CCDC40: variants seen among roughly 807,000 people sequenced by gnomAD.
CCDC40 encodes coiled-coil domain-containing protein 40.
CCDC40 carries 104 observed loss-of-function variants against 124.5 expected under a neutral mutation model. The ratio of observed to expected loss-of-function variants is 0.84; its 90% CI spans 0.71 to 0.98. CCDC40 has a LOEUF of 0.98. Ranked by LOEUF, CCDC40 falls within the 50% of genes least tolerant of loss-of-function variation. CCDC40 has a pLI of 0.00. For synonymous variants in CCDC40, 580 were observed against 602.9 expected (o/e 0.96, Z 0.56); for missense variants, 1,463 against 1,503.9 (o/e 0.97, Z 0.45).
intron 10 of CCDC40, among the ~76,000 whole-genome samples, chr17:80,079,388 C>T (rs1474635932): frequency 2.6e-5 from 4 of 152,086 alleles, no homozygotes; most frequent in African/African-American, 7.2e-5. Flanking sequence ...AAATCACCCG[C>T]GGCCGCTTAG....
intron 10 of CCDC40, among the ~76,000 whole-genome samples, chr17:80,074,055 A>G (rs765224386): frequency 5.3e-5 from 8 of 152,246 alleles, no homozygotes; most frequent in Non-Finnish European, 1.2e-4. Context: ...AAGCTGAGAT[A>G]AGCCAAAAGC....
At chr17:80,070,729 G>C (rs1238234962) in intron 10 of CCDC40, among the ~76,000 whole-genome samples, 3 of 151,616 alleles carry the variant, frequency 2.0e-5, no homozygotes, top group African/African-American at 7.3e-5. Context: ...CCGAGATGGT[G>C]CCACTGCACT....
intron 10 of CCDC40, chr17:80,067,634 C>T (rs1250332195): frequency 2.8e-5 from 43 of 1,536,126 alleles, no homozygotes; most frequent in East Asian, 2.0e-4. Context: ...CGTTCGCGTC[C>T]GTCTGTTATG....
At chr17:80,040,678 C>CA (rs34476860) in intron 3 of CCDC40, 78,092 of 129,682 alleles carry the variant, frequency 0.6, 23,276 homozygotes, top group Middle Eastern at 0.76. Context: ...GACCTTGTCT[C>CA]AAAAAAAAAA....
Position 80,058,581 on chromosome 17 carries a change from G to T in CCDC40, c.1247G>T (p.Arg416Leu). 6.2e-7 allele frequency: 1 copy of T among 1,614,170 alleles called. No individual in the cohort carries two copies. Among genetic ancestry groups the T allele is most frequent in the African/African-American group, 1.3e-5 (1 of 75,038 alleles). ...GACCAGGACATGCGTGACGACATCC[G>T]CGTGATGACACAAGTGGTAAAGAAG... ...NIDQDMRDDIRVMTQVVKKAE... is the reference protein window; with the variant it reads ...NIDQDMRDDILVMTQVVKKAE... The change falls in exon 8 of 20, where the codon CGC (arginine) becomes CTC (leucine). Residue 416 changes from arginine to leucine, a missense_variant. Arg to Leu is a moderately radical substitution (Grantham distance 102). Coordinates refer to ENST00000397545, the MANE Select transcript of CCDC40 (RefSeq NM_017950.4). The surrounding 1 kb of genome is among the most constrained non-coding windows in gnomAD (Gnocchi z 4.2).
intron 10 of CCDC40, among the ~76,000 whole-genome samples, chr17:80,074,146 A>G (rs1231450035): frequency 6.6e-6 from 1 of 152,232 alleles, no homozygotes; most frequent in East Asian, 1.9e-4. Flanking sequence ...TGCTGCTCTA[A>G]TGAACACACA....
In CCDC40 at chr17:80,047,495, T is replaced by TA. The variant is rs1344005882; in HGVS notation, c.676+94dup. The TA allele has an allele frequency of 7.3e-6, 10 of 1,367,886 alleles. No homozygotes were observed. In the East Asian group the frequency reaches 2.5e-4, roughly 34 times the overall value. The allele number at this position is 1,367,886 out of a possible 1,614,324, so 84.7% of individuals were successfully genotyped here. On this transcript the variant is annotated intron_variant, in intron 4 of 19. Coordinates refer to ENST00000397545, the MANE Select transcript of CCDC40 (RefSeq NM_017950.4). ...GGGATGCCACTCGTTTGTCATCCGT[T>TA]ACCTGTTTCCTGAGTGGCTGTGAGC...
At chr17:80,040,936 C>T (rs892558660) in intron 3 of CCDC40, among the ~76,000 whole-genome samples, 1 of 152,176 alleles carries the variant, frequency 6.6e-6, no homozygotes, top group African/African-American at 2.4e-5. Context: ...GAGCTTTTAA[C>T]TGTTTAAGAT....
At position 80,087,480 on chromosome 17, in the gene CCDC40, A is replaced by G; in HGVS notation, c.2450-127A>G. On this transcript the variant is annotated intron_variant, in intron 14 of 19. Coordinates refer to ENST00000397545, the MANE Select transcript of CCDC40 (RefSeq NM_017950.4). The surrounding 1 kb of genome is among the most constrained non-coding windows in gnomAD (Gnocchi z 4.5). ...TCAGGCAGGAGCGCCAGGAACGACAAGAGGGAGGGGATGAAGGGAGCTACA... is the reference window on the plus strand; with the variant it reads ...TCAGGCAGGAGCGCCAGGAACGACAGGAGGGAGGGGATGAAGGGAGCTACA... 1 of 743,944 alleles carries G rather than the reference A, an allele frequency of 1.3e-6. No homozygotes were observed. The highest frequency in any genetic ancestry group is 2.4e-6 in the Non-Finnish European group (1 of 413,468). The allele number at this position is 743,944 out of a possible 1,614,324, so 46.1% of individuals were successfully genotyped here. A position where few individuals can be genotyped will look rare whatever the true frequency, so the allele number is the denominator to read the frequency against.
At chr17:80,051,230 G>A (rs2037580283) in intron 7 of CCDC40, 1 of 639,704 alleles carries the variant, frequency 1.6e-6, no homozygotes. Context: ...GAGGAAAACA[G>A]AAGCACATGG....
Position 80,092,960 on chromosome 17 carries a change from AT to A in CCDC40, c.2833-2295del, listed in dbSNP as rs2038747683. On this transcript the variant is annotated intron_variant, in intron 17 of 19. Coordinates refer to ENST00000397545, the MANE Select transcript of CCDC40 (RefSeq NM_017950.4). ...TGGTGCAAGTTGTGGACTGGGGTTA[AT>A]TTTTTTTGCATTTGGATGTCCACTG... is the stretch of plus-strand genomic sequence containing the variant. 2.0e-5 allele frequency among the ~76,000 whole-genome samples: 3 copies of A among 151,890 alleles called. No individual in the cohort carries two copies. The South Asian group carries it at 6.3e-4, about 32-fold the overall frequency.
At chr17:80,083,417 C>A (rs2038505967) in intron 12 of CCDC40, among the ~76,000 whole-genome samples, 1 of 152,162 alleles carries the variant, frequency 6.6e-6, no homozygotes, top group African/African-American at 2.4e-5. Context: ...GACATGGAGC[C>A]CACAGGCGTG....
chr17:80,056,095 T>C (rs1170508037), intron 7 of CCDC40, among the ~76,000 whole-genome samples: 2 of 145,050 alleles, frequency 1.4e-5, no homozygotes, highest in Non-Finnish European at 3.0e-5. Context: ...CAAGTGATCC[T>C]CTTGCTTCGG....
chr17:80,060,274 G>A (rs1188106022), intron 9 of CCDC40, among the ~76,000 whole-genome samples: 2 of 152,006 alleles, frequency 1.3e-5, no homozygotes, highest in Non-Finnish European at 2.9e-5. Context: ...CAGGCAAGGT[G>A]GTGCACACCT....
At chr17:80,073,022 G>C (rs1334227736) in intron 10 of CCDC40, among the ~76,000 whole-genome samples, 1 of 130,682 alleles carries the variant, frequency 7.7e-6, no homozygotes, top group Non-Finnish European at 1.7e-5. Context: ...GTTTGTTTTT[G>C]AGATGAGTTT....
chr17:80,055,349 CTGGA>C (rs2037710063), intron 7 of CCDC40, among the ~76,000 whole-genome samples: 1 of 152,134 alleles, frequency 6.6e-6, no homozygotes. Flanking sequence ...AATAAAGTAG[CTGGA>C]TACCAGCTCT....
chr17:80,046,227 C>CT (rs1033353672), intron 3 of CCDC40, among the ~76,000 whole-genome samples: 1 of 152,146 alleles, frequency 6.6e-6, no homozygotes, highest in Non-Finnish European at 1.5e-5. Flanking sequence ...ACATCTAACT[C>CT]TCCCCCGCCC....
At chr17:80,082,088 C>T (rs761367872) in intron 12 of CCDC40, 30 bp downstream of exon 12, 35 of 1,604,858 alleles carry the variant, frequency 2.2e-5, no homozygotes, top group Admixed American at 3.3e-5. Flanking sequence ...AGGGGCTGTG[C>T]GAAGCCCCCT....
intron 10 of CCDC40, among the ~76,000 whole-genome samples, chr17:80,069,778 A>G (rs986955367): frequency 3.6e-4 from 55 of 151,816 alleles, no homozygotes; most frequent in South Asian, 2.1e-4. Flanking sequence ...AAAGAAAAAA[A>G]AGAGAGAGAG....
Sources: allele counts gnomAD v4.1 joint callset (sites outside exome capture counted in the v4.1 genomes callset), GRCh38; gene constraint gnomAD v4.1.1; non-coding constraint Gnocchi (gnomAD v3.1); transcripts MANE v1.5; gene names NCBI Gene and HGNC (gene_info 2026-07-23, HGNC 2026-07-21).